Variants in TLCD4 observed in about 807,000 individuals in gnomAD.
TLCD4 encodes the protein TLC domain-containing protein 4.
Under a neutral mutation model 24.2 loss-of-function variants are expected in TLCD4, and 7 were observed. The ratio of observed to expected loss-of-function variants is 0.29; its 90% confidence interval spans 0.16 to 0.54. The LOEUF (loss-of-function observed/expected upper bound fraction) is 0.54. TLCD4 is among the 20% of genes least tolerant of loss of function. TLCD4 has a pLI of 0.95. For synonymous variants in TLCD4, 103 were observed against 106.4 expected (o/e 0.97, Z 0.20); for missense variants, 259 against 313.9 (o/e 0.82, Z 1.32).
chr1:95,131,652 G>T (rs1379777763), intron 1 of TLCD4, among the ~76,000 whole-genome samples: 1 of 152,216 alleles, frequency 6.6e-6, no homozygotes, highest in Non-Finnish European at 1.5e-5. Flanking sequence ...GCATCTTTTT[G>T]ATAGTTATTT....
At chr1:95,097,281 G>A in the TLCD4 span, among the ~76,000 whole-genome samples, 1 of 152,098 alleles carries the variant, frequency 6.6e-6, no homozygotes, top group African/African-American at 2.4e-5. Context: ...GTAAACTGTA[G>A]TGACACTACT....
chr1:95,124,911 T>C (rs1454287891), intron 1 of TLCD4, among the ~76,000 whole-genome samples: 1 of 152,072 alleles, frequency 6.6e-6, no homozygotes, highest in African/African-American at 2.4e-5. Context: ...ACAAGGATGG[T>C]ACTTAATCAA....
chr1:95,157,021 T>C (rs1480148199), intron 5 of TLCD4, among the ~76,000 whole-genome samples: 1 of 152,066 alleles, frequency 6.6e-6, no homozygotes, highest in East Asian at 1.9e-4. Context: ...ATCAGTGGTT[T>C]CCAAAAGCAA....
chr1:95,108,430 G>A, the TLCD4 span, among the ~76,000 whole-genome samples: 4 of 152,098 alleles, frequency 2.6e-5, no homozygotes, highest in South Asian at 2.1e-4. Flanking sequence ...TGGGAGTGCC[G>A]TGGTGCAATC....
chr1:95,094,674 G>A, the TLCD4 span, among the ~76,000 whole-genome samples: 1 of 152,148 alleles, frequency 6.6e-6, no homozygotes, highest in Non-Finnish European at 1.5e-5. Context: ...CCAGGTGACT[G>A]TCACCACATG....
intron 6 of TLCD4, among the ~76,000 whole-genome samples, chr1:95,184,401 G>A (rs955906088): frequency 2.2e-4 from 34 of 151,398 alleles, no homozygotes; most frequent in African/African-American, 7.3e-4. Context: ...CTTTCCAAAT[G>A]TAAATGTGAA....
At chr1:95,159,117 CCCA>C (rs1366454178) in intron 5 of TLCD4, among the ~76,000 whole-genome samples, 2 of 152,192 alleles carry the variant, frequency 1.3e-5, no homozygotes, top group African/African-American at 2.4e-5. Context: ...AGTTTACACT[CCCA>C]CCAATGGTGT....
intron 6 of TLCD4, among the ~76,000 whole-genome samples, chr1:95,188,159 G>A (rs556590621): frequency 4.1e-4 from 62 of 152,124 alleles, no homozygotes; most frequent in African/African-American, 1.2e-3. Flanking sequence ...AGGCCGAGGC[G>A]GGTGGATCAC....
At chr1:95,111,323 A>AAAAAAAAAG in the TLCD4 span, among the ~76,000 whole-genome samples, 152 of 128,134 alleles carry the variant, frequency 1.2e-3, no homozygotes, top group South Asian at 2.6e-3. Context: ...CAAAACAAAA[A>AAAAAAAAAG]AAAAGAAAAG....
chr1:95,191,443 C>G (rs1329749520), intron 6 of TLCD4, 107 bp from the exon 7 acceptor site: 1 of 1,366,514 alleles, frequency 7.3e-7, no homozygotes, highest in East Asian at 2.4e-5. Context: ...CTATTCTAGG[C>G]CCTTTGCTCC....
intron 5 of TLCD4, chr1:95,164,705 T>C (rs1677953885): frequency 6.6e-6 from 1 of 152,200 alleles, no homozygotes; most frequent in Non-Finnish European, 1.5e-5. Context: ...AACTCCTACT[T>C]TGCTTCTCAG....
the TLCD4 span, among the ~76,000 whole-genome samples, chr1:95,095,120 C>T: frequency 2.6e-5 from 4 of 152,164 alleles, no homozygotes; most frequent in Admixed American, 6.5e-5. Flanking sequence ...GCACTTAGCA[C>T]GGTGGCTATG....
chr1:95,173,721 A>G (rs1243461822), intron 5 of TLCD4, 95 bp from the exon 6 acceptor site: 2 of 1,521,696 alleles, frequency 1.3e-6, no homozygotes, highest in Non-Finnish European at 1.8e-6. Context: ...ATTGATTGTT[A>G]TATTATGCTG....
intron 6 of TLCD4, among the ~76,000 whole-genome samples, chr1:95,174,896 C>A (rs965216318): frequency 3.3e-5 from 5 of 152,132 alleles, no homozygotes; most frequent in Non-Finnish European, 7.3e-5. Flanking sequence ...CTGCCTCAGC[C>A]TCCCAAGTAG....
chr1:95,136,756 A>G (rs537329466), intron 1 of TLCD4, among the ~76,000 whole-genome samples: 3 of 152,316 alleles, frequency 2.0e-5, no homozygotes, highest in East Asian at 1.9e-4. Context: ...GTATTCTCCA[A>G]TCTACCAGGA....
intron 6 of TLCD4, among the ~76,000 whole-genome samples, chr1:95,181,539 A>T (rs1013271924): frequency 1.3e-5 from 2 of 151,912 alleles, no homozygotes; most frequent in Non-Finnish European, 2.9e-5. Flanking sequence ...ATTCAAATTC[A>T]TTGGCCTTTC....
intron 6 of TLCD4, among the ~76,000 whole-genome samples, chr1:95,189,676 TTTAC>T (rs1450941404): frequency 6.6e-6 from 1 of 152,240 alleles, no homozygotes. Context: ...ACTGATTTCA[TTTAC>T]TTAGCACTTT....
intron 2 of TLCD4, 47 bp downstream of exon 2, chr1:95,144,103 G>T: frequency 7.6e-7 from 1 of 1,324,376 alleles, no homozygotes. Context: ...TAGTTTATGA[G>T]ATAAAATTAT....
intron 6 of TLCD4, among the ~76,000 whole-genome samples, chr1:95,186,625 C>T (rs1459537056): frequency 6.6e-6 from 1 of 152,060 alleles, no homozygotes; most frequent in East Asian, 1.9e-4. Flanking sequence ...TCCAAGGCTG[C>T]CATGTAGTCA....
Sources: allele counts gnomAD v4.1 joint callset (sites outside exome capture counted in the v4.1 genomes callset), GRCh38; gene constraint gnomAD v4.1.1; transcripts MANE v1.5; gene names NCBI Gene and HGNC (gene_info 2026-07-23, HGNC 2026-07-21).